SLC8A3: variants seen among roughly 807,000 people sequenced by gnomAD.
SLC8A3 encodes solute carrier family 8 member A3.
In SLC8A3, 37 loss-of-function variants were observed where a neutral mutation model predicts 65.4. That is an observed-to-expected ratio of 0.57 (90% CI 0.44 to 0.74). The LOEUF (loss-of-function observed/expected upper bound fraction) is 0.74. Among genes scored for constraint, SLC8A3 ranks in the 30% least tolerant of loss-of-function variants. The pLI is 0.00. For missense variants in SLC8A3, 1,112 were observed against 1,172.1 expected, an observed-to-expected ratio of 0.95 and a Z score of 0.75; for synonymous variants, 461 against 444.5, an observed-to-expected ratio of 1.04 and a Z score of -0.47.
At chr14:70,120,085 G>A (rs1893950415) in intron 2 of SLC8A3, among the ~76,000 whole-genome samples, 1 of 152,188 alleles carries the variant, frequency 6.6e-6, no homozygotes, top group African/African-American at 2.4e-5. Flanking sequence ...GAGCAACTCT[G>A]CCATCCCTGA....
At chr14:70,159,965 C>T (rs1896790305) in intron 2 of SLC8A3, among the ~76,000 whole-genome samples, 2 of 152,176 alleles carry the variant, frequency 1.3e-5, no homozygotes, top group Non-Finnish European at 2.9e-5. Context: ...CATCCATGGG[C>T]TCCACCAACC....
intron 3 of SLC8A3, among the ~76,000 whole-genome samples, chr14:70,059,833 A>G (rs1047304844): frequency 2.6e-5 from 4 of 152,126 alleles, no homozygotes; most frequent in African/African-American, 4.8e-5. Context: ...TGGAAAATCC[A>G]CAAGTCAACA....
At chr14:70,079,618 C>T (rs977909304) in intron 2 of SLC8A3, among the ~76,000 whole-genome samples, 3 of 152,082 alleles carry the variant, frequency 2.0e-5, no homozygotes, top group Admixed American at 6.6e-5. Flanking sequence ...GTTCCATGTC[C>T]GGGCATCATA....
At chr14:70,077,006 T>A (rs909194536) in intron 2 of SLC8A3, among the ~76,000 whole-genome samples, 1 of 152,164 alleles carries the variant, frequency 6.6e-6, no homozygotes, top group East Asian at 1.9e-4. Flanking sequence ...CTAACAGGGT[T>A]TTTGAGAGGA....
chr14:70,144,316 T>TTTG (rs1895765860), intron 2 of SLC8A3, among the ~76,000 whole-genome samples: 1 of 141,394 alleles, frequency 7.1e-6, no homozygotes, highest in Admixed American at 7.0e-5. Flanking sequence ...CTGTTTTTTT[T>TTTG]TTTTTTTTTT....
At chr14:70,151,924 T>A (rs1440417041) in intron 2 of SLC8A3, among the ~76,000 whole-genome samples, 2 of 152,078 alleles carry the variant, frequency 1.3e-5, no homozygotes, top group African/African-American at 4.8e-5. Context: ...TAATCTAGTA[T>A]AACCTCATCA....
chr14:70,119,382 T>C (rs1893888039), intron 2 of SLC8A3, among the ~76,000 whole-genome samples: 1 of 152,330 alleles, frequency 6.6e-6, no homozygotes, highest in East Asian at 1.9e-4. Flanking sequence ...TTATGTGGTG[T>C]GCTAAGAAAC....
intron 1 of SLC8A3, among the ~76,000 whole-genome samples, chr14:70,181,984 T>C (rs895921750): frequency 3.9e-5 from 6 of 152,164 alleles, no homozygotes; most frequent in African/African-American, 1.4e-4. Flanking sequence ...AGCTGACAGA[T>C]GGTAAACACA....
intron 2 of SLC8A3, among the ~76,000 whole-genome samples, chr14:70,138,923 GA>G (rs1895393242): frequency 6.6e-6 from 1 of 152,324 alleles, no homozygotes; most frequent in Middle Eastern, 3.4e-3. Flanking sequence ...CTATCACTTA[GA>G]AAATACCTGC....
intron 2 of SLC8A3, among the ~76,000 whole-genome samples, chr14:70,117,830 C>G (rs1299895260): frequency 6.6e-6 from 1 of 152,186 alleles, no homozygotes; most frequent in Non-Finnish European, 1.5e-5. Flanking sequence ...TGGTGCCAGA[C>G]AGTAGAGGCA....
intron 1 of SLC8A3, among the ~76,000 whole-genome samples, chr14:70,186,380 G>A (rs1258182593): frequency 6.6e-6 from 1 of 152,166 alleles, no homozygotes; most frequent in Non-Finnish European, 1.5e-5. Context: ...TGTATAATAA[G>A]CAGGGATGTG....
chr14:70,168,158 G>A lies in SLC8A3; in HGVS notation c.265C>T (p.Leu89Phe). ...CGGTCAGCAATGATGGACACCCCAA[G>A]GAACATGTATATCAGGGCCACAAAA... The part of the protein sequence containing the change: ...VYFVALIYMF[L>F]GVSIIADRFM... The change falls in exon 2 of 7, where the codon CTT becomes TTT. Residue 89 changes from leucine (L) to phenylalanine (F), a missense_variant. Leu to Phe is a conservative substitution (Grantham distance 22). Transcript: ENST00000356921. 1 of 1,614,152 alleles carries A rather than the reference G, an allele frequency of 6.2e-7. No homozygotes were observed. Among genetic ancestry groups the A allele is most frequent in the South Asian group, 1.1e-5 (1 of 91,080 alleles).
At position 70,188,845 on chromosome 14, in the gene SLC8A3, T is replaced by C. The variant is rs1265640203; in HGVS notation, c.-529A>G. ...ACCTGGGCTCGGGCTTGCGGTCGCG[T>C]CGCCTGGGCTTTCCCTGGGCTGGGA... On this transcript the variant is annotated 5_prime_UTR_variant, in exon 1 of 7. Coordinates refer to ENST00000356921, the MANE Select transcript of SLC8A3 (RefSeq NM_182932.3). 6.6e-6 allele frequency: 1 copy of C among 151,852 alleles called. No individual in the cohort carries two copies. Among genetic ancestry groups the C allele is most frequent in the Non-Finnish European group, 1.5e-5 (1 of 67,930 alleles). The allele number at this position is 151,852 out of a possible 1,614,324, so 9.4% of individuals were successfully genotyped here. A position where few individuals can be genotyped will look rare whatever the true frequency, so the allele number is the denominator to read the frequency against.
intron 2 of SLC8A3, among the ~76,000 whole-genome samples, chr14:70,070,800 T>C (rs1465423793): frequency 1.3e-5 from 2 of 152,214 alleles, no homozygotes; most frequent in African/African-American, 4.8e-5. Context: ...CCTAAAGGAC[T>C]ACAGCCAGTG....
chr14:70,110,291 C>T (rs990485328), intron 2 of SLC8A3, among the ~76,000 whole-genome samples: 27 of 152,208 alleles, frequency 1.8e-4, no homozygotes, highest in Non-Finnish European at 3.7e-4. Flanking sequence ...CTTATTCATT[C>T]TTTCTGTTTT....
At chr14:70,152,822 AGCT>A (rs1327103626) in intron 2 of SLC8A3, among the ~76,000 whole-genome samples, 1 of 152,258 alleles carries the variant, frequency 6.6e-6, no homozygotes, top group Non-Finnish European at 1.5e-5. Context: ...GGTTCTGGGC[AGCT>A]GAGCAGGGCA....
At chr14:70,161,763 A>C (rs185304980) in intron 2 of SLC8A3, among the ~76,000 whole-genome samples, 69 of 152,374 alleles carry the variant, frequency 4.5e-4, no homozygotes, top group East Asian at 3.3e-3. Context: ...AAGAAAACAA[A>C]AAATCGATTG....
intron 1 of SLC8A3, among the ~76,000 whole-genome samples, chr14:70,169,792 A>T (rs546936445): frequency 6.6e-6 from 1 of 152,136 alleles, no homozygotes; most frequent in East Asian, 1.9e-4. Flanking sequence ...TAAAGACTCA[A>T]AGTCTTCATC....
At chr14:70,066,672 A>G (rs1400546787) in intron 2 of SLC8A3, among the ~76,000 whole-genome samples, 2 of 152,170 alleles carry the variant, frequency 1.3e-5, no homozygotes, top group Non-Finnish European at 2.9e-5. Flanking sequence ...TTAGCCAGCC[A>G]TGGTGGTGCA....
Sources: gnomAD v4.1 joint callset for allele counts (sites outside exome capture counted in the v4.1 genomes callset) on GRCh38, gnomAD v4.1.1 for gene constraint, MANE v1.5 for transcripts, NCBI Gene and HGNC (gene_info 2026-07-23, HGNC 2026-07-21) for gene names.